METTL21A: variants seen among roughly 807,000 people sequenced by gnomAD.
METTL21A encodes protein N-lysine methyltransferase METTL21A.
In METTL21A, 22 loss-of-function variants were observed where a neutral mutation model predicts 20.9. That is an observed-to-expected ratio of 1.05 (90% CI 0.75 to 1.50). METTL21A has a LOEUF of 1.50. Ranked by LOEUF, METTL21A falls within the 40% of genes most tolerant of loss-of-function variation. METTL21A has a pLI of 0.00. For missense variants in METTL21A, 271 were observed against 266.8 expected, an observed-to-expected ratio of 1.02 and a Z score of -0.11; for synonymous variants, 93 against 102.0, an observed-to-expected ratio of 0.91 and a Z score of 0.53.
At chr2:207,625,358 G>C (rs1259769534) in exon 1 of METTL21A, 1 of 152,096 alleles carries the variant, frequency 6.6e-6, no homozygotes, top group East Asian at 1.9e-4. Context: ...CCCGCGACGC[G>C]GGGGCGGGCG....
intron 3 of METTL21A, among the ~76,000 whole-genome samples, chr2:207,587,710 CAT>C (rs2084144935): frequency 1.3e-5 from 2 of 152,148 alleles, no homozygotes; most frequent in Non-Finnish European, 2.9e-5. Flanking sequence ...ATAAATACCA[CAT>C]GTTCTCACTC....
downstream of METTL21A, among the ~76,000 whole-genome samples, chr2:207,605,148 CTT>C (rs2087879066): frequency 6.6e-6 from 1 of 152,186 alleles, no homozygotes; most frequent in African/African-American, 2.4e-5. Context: ...AACTGTCAAA[CTT>C]TCCCTCAGCA....
chr2:207,606,224 C>T (rs2088071084), downstream of METTL21A, among the ~76,000 whole-genome samples: 1 of 152,168 alleles, frequency 6.6e-6, no homozygotes, highest in African/African-American at 2.4e-5. Context: ...CCTGTAATCC[C>T]ATCACTTTGG....
chr2:207,581,631 T>TA (rs2082968669), downstream of METTL21A: 1 of 405,946 alleles, frequency 2.5e-6, no homozygotes, highest in Non-Finnish European at 4.3e-6. Flanking sequence ...ATTTTAAACT[T>TA]ACAAAGGAGT....
At chr2:207,598,486 T>A (rs2086531668) in intron 3 of METTL21A, 2 of 166,718 alleles carry the variant, frequency 1.2e-5, no homozygotes, top group Non-Finnish European at 1.3e-5. Context: ...CAGTTACTCT[T>A]AAAAAAAAAA....
intron 3 of METTL21A, among the ~76,000 whole-genome samples, chr2:207,587,371 T>C (rs539119011): frequency 6.2e-5 from 9 of 145,368 alleles, no homozygotes; most frequent in South Asian, 2.2e-4. Flanking sequence ...ACAGCCTGGG[T>C]GACGGAACGA....
At chr2:207,587,989 G>A (rs1281502331) in intron 3 of METTL21A, among the ~76,000 whole-genome samples, 1 of 152,150 alleles carries the variant, frequency 6.6e-6, no homozygotes, top group Non-Finnish European at 1.5e-5. Context: ...TGAGGTGATG[G>A]ATATGCTAGT....
At chr2:207,587,414 G>GA (rs1227810425) in intron 3 of METTL21A, among the ~76,000 whole-genome samples, 2 of 147,436 alleles carry the variant, frequency 1.4e-5, no homozygotes, top group East Asian at 2.0e-4. Flanking sequence ...AAAGGAAAAA[G>GA]AAAAAAACAC....
intron 3 of METTL21A, among the ~76,000 whole-genome samples, chr2:207,620,453 T>TAAATA (rs58925319): frequency 0.76 from 110,824 of 146,688 alleles, 42,244 homozygotes; most frequent in East Asian, 0.98. Flanking sequence ...AAAAAATAAA[T>TAAATA]AAATAAAATA....
At chr2:207,624,274 C>T (rs992499524) in exon 2 of METTL21A, 1 of 1,613,396 alleles carries the variant, frequency 6.2e-7, no homozygotes, top group South Asian at 1.1e-5. Context: ...TCCAGTCCTG[C>T]CGGATCTGGA....
At chr2:207,604,300 T>C (rs545756642), downstream of METTL21A, among the ~76,000 whole-genome samples, 2 of 152,178 alleles carry the variant, frequency 1.3e-5, no homozygotes, top group Non-Finnish European at 2.9e-5. Flanking sequence ...CATATGTCTT[T>C]TACACTCAGG....
intron 3 of METTL21A, among the ~76,000 whole-genome samples, chr2:207,583,290 A>T (rs2083267535): frequency 6.6e-6 from 1 of 152,182 alleles, no homozygotes; most frequent in Non-Finnish European, 1.5e-5. Flanking sequence ...ATATACTTAA[A>T]TAGGAATACA....
chr2:207,589,422 A>G (rs1440522346), intron 3 of METTL21A, among the ~76,000 whole-genome samples: 1 of 152,058 alleles, frequency 6.6e-6, no homozygotes, highest in Non-Finnish European at 1.5e-5. Flanking sequence ...AACTGGGCCC[A>G]CTCAAGTAAC....
chr2:207,582,208 C>T (rs1206792139), intron 3 of METTL21A: 9 of 702,606 alleles, frequency 1.3e-5, no homozygotes, highest in Non-Finnish European at 2.3e-5. Context: ...GTTAAAACCA[C>T]CACAGTAATT....
chr2:207,620,769 G>C, intron 3 of METTL21A: 3 of 1,388,924 alleles, frequency 2.2e-6, no homozygotes, highest in Non-Finnish European at 2.9e-6. Context: ...CATGCTCCCT[G>C]TCGAATTTTG....
intron 3 of METTL21A, among the ~76,000 whole-genome samples, chr2:207,616,338 A>C (rs1161249001): frequency 6.6e-6 from 1 of 152,258 alleles, no homozygotes; most frequent in African/African-American, 2.4e-5. Context: ...CTCATAGATA[A>C]AGGCCTTCTC....
intron 3 of METTL21A, chr2:207,601,477 G>C (rs1042177265): frequency 7.3e-5 from 14 of 192,532 alleles, no homozygotes; most frequent in African/African-American, 3.2e-4. Context: ...TTAATTAAAA[G>C]ACGGGCTCAA....
intron 3 of METTL21A, chr2:207,603,155 CCT>C (rs768698511): frequency 4.7e-6 from 1 of 210,866 alleles, no homozygotes; most frequent in Admixed American, 5.9e-5. Context: ...TAGAAACATC[CCT>C]GTTTTAATTT....
At chr2:207,582,539 T>C (rs540303984) in intron 3 of METTL21A, among the ~76,000 whole-genome samples, 2 of 152,360 alleles carry the variant, frequency 1.3e-5, no homozygotes, top group African/African-American at 4.8e-5. Context: ...CTTTTATAAG[T>C]GTCTTCTGTG....
Sources: allele counts gnomAD v4.1 joint callset (sites outside exome capture counted in the v4.1 genomes callset), GRCh38; gene constraint gnomAD v4.1.1; transcripts MANE v1.5; gene names NCBI Gene and HGNC (gene_info 2026-07-23, HGNC 2026-07-21).